Variants in MAP3K19 observed in about 807,000 individuals in gnomAD.
The protein encoded by MAP3K19 is SPS1/STE20-related protein kinase YSK4.
A neutral mutation model predicts 114.4 loss-of-function variants in MAP3K19; 91 were observed. The ratio of observed to expected loss-of-function variants is 0.80; its 90% CI spans 0.67 to 0.95. The LOEUF is 0.95. MAP3K19 is among the 40% of genes least tolerant of loss of function. The pLI is 0.00. For synonymous variants in MAP3K19, 518 were observed against 530.5 expected (o/e 0.98, Z 0.32); for missense variants, 1,471 against 1,573.2 (o/e 0.94, Z 1.10).
intron 1 of MAP3K19, among the ~76,000 whole-genome samples, chr2:135,040,976 C>A (rs1452266730): frequency 1.3e-5 from 2 of 152,048 alleles, no homozygotes; most frequent in African/African-American, 4.8e-5. Flanking sequence ...GTCCCCTCTT[C>A]AGAAGGTTGG....
intron 3 of MAP3K19, among the ~76,000 whole-genome samples, chr2:135,027,776 C>T (rs1574049682): frequency 6.6e-6 from 1 of 152,148 alleles, no homozygotes; most frequent in South Asian, 2.1e-4. Flanking sequence ...GCTTGGCCAA[C>T]GTTTCATTAT....
At chr2:135,000,608 G>T (rs1013017769) in intron 6 of MAP3K19, among the ~76,000 whole-genome samples, 2 of 152,106 alleles carry the variant, frequency 1.3e-5, no homozygotes, top group Admixed American at 1.3e-4. Flanking sequence ...TTTTATTAAG[G>T]ATATGCCAAG....
intron 2 of MAP3K19, among the ~76,000 whole-genome samples, chr2:135,038,061 A>G (rs1186111635): frequency 1.3e-5 from 2 of 152,042 alleles, no homozygotes; most frequent in African/African-American, 4.8e-5. Context: ...CTGAGAGAGG[A>G]AAGGAAGTGG....
intron 9 of MAP3K19, among the ~76,000 whole-genome samples, chr2:134,989,154 A>T (rs2105245468): frequency 6.6e-6 from 1 of 152,248 alleles, no homozygotes; most frequent in Non-Finnish European, 1.5e-5. Flanking sequence ...GCCCTCCTCT[A>T]GTTTCAAACT....
chr2:135,025,372 CTTTTCT>C (rs1198303994), intron 3 of MAP3K19, among the ~76,000 whole-genome samples: 3,489 of 69,552 alleles, frequency 0.05, 269 homozygotes, highest in African/African-American at 0.12. Context: ...ATGGCCTTTT[CTTTTCT>C]TTTTTTTTTT....
intron 12 of MAP3K19, among the ~76,000 whole-genome samples, chr2:134,966,683 T>C (rs1683378482): frequency 6.6e-6 from 1 of 152,170 alleles, no homozygotes; most frequent in South Asian, 2.1e-4. Context: ...GAATAGTAAA[T>C]AGTCAGTCTG....
At chr2:135,012,396 A>C (rs1000712031) in intron 5 of MAP3K19, among the ~76,000 whole-genome samples, 1 of 152,220 alleles carries the variant, frequency 6.6e-6, no homozygotes, top group African/African-American at 2.4e-5. Flanking sequence ...GGTAGGAAGC[A>C]GACTAAACTA....
intron 8 of MAP3K19, among the ~76,000 whole-genome samples, chr2:134,994,587 A>T (rs548825773): frequency 6.6e-6 from 1 of 152,338 alleles, no homozygotes; most frequent in Non-Finnish European, 1.5e-5. Context: ...TATGAACCCC[A>T]TTCAGTGCCA....
chr2:135,032,609 T>A (rs138038033), intron 2 of MAP3K19, among the ~76,000 whole-genome samples: 2,680 of 151,420 alleles, frequency 0.018, 42 homozygotes, highest in African/African-American at 0.053. Flanking sequence ...AATTTAATTT[T>A]ATTTTATTTA....
At chr2:134,966,868 C>T (rs547599761) in intron 12 of MAP3K19, among the ~76,000 whole-genome samples, 2 of 152,136 alleles carry the variant, frequency 1.3e-5, no homozygotes, top group Non-Finnish European at 2.9e-5. Context: ...CATGGCCCAG[C>T]GGAGGGGAAG....
In MAP3K19 at chr2:135,047,394, T is replaced by G. The variant is rs1688763931; in HGVS notation, c.-633A>C. 6.6e-6 allele frequency: 1 copy of G among 152,232 alleles called. No individual in the cohort carries two copies. The highest frequency in any genetic ancestry group is 6.5e-5 in the Admixed American group (1 of 15,288). The allele number at this position is 152,232 out of a possible 1,614,324, so 9.4% of individuals were successfully genotyped here. A position where few individuals can be genotyped will look rare whatever the true frequency, so the allele number is the denominator to read the frequency against. On this transcript the variant is annotated 5_prime_UTR_variant, in exon 1 of 13. Transcript: ENST00000392915. ...ATAATTTTTCCTTTTAAATTTTGTCTTTAATTAAGCTGGTCCTGCATGCAC... is the reference window on the plus strand; with the variant it reads ...ATAATTTTTCCTTTTAAATTTTGTCGTTAATTAAGCTGGTCCTGCATGCAC...
chr2:134,994,627 A>C (rs1685853112), intron 8 of MAP3K19, among the ~76,000 whole-genome samples: 1 of 152,226 alleles, frequency 6.6e-6, no homozygotes, highest in Non-Finnish European at 1.5e-5. Flanking sequence ...CATAACCTAC[A>C]GGCAGGTGTT....
chr2:134,966,072 A>T (rs567489710), intron 12 of MAP3K19, among the ~76,000 whole-genome samples: 106 of 152,270 alleles, frequency 7.0e-4, no homozygotes, highest in African/African-American at 2.3e-3. Flanking sequence ...CATTTTTTTT[A>T]TGGCTGAGTA....
At chr2:135,001,880 AT>A (rs1468255311) in intron 6 of MAP3K19, among the ~76,000 whole-genome samples, 2 of 152,258 alleles carry the variant, frequency 1.3e-5, no homozygotes, top group Non-Finnish European at 2.9e-5. Flanking sequence ...TAACAAGCAC[AT>A]GTAAGAAATA....
chr2:135,008,247 C>T (rs1358669221), intron 5 of MAP3K19, among the ~76,000 whole-genome samples: 4 of 151,972 alleles, frequency 2.6e-5, no homozygotes, highest in Non-Finnish European at 4.4e-5. Context: ...CTCAACCTCT[C>T]GAGTAGCTGA....
At chr2:135,016,047 T>C (rs4640444) in intron 5 of MAP3K19, among the ~76,000 whole-genome samples, 37,868 of 151,820 alleles carry the variant, frequency 0.25, 6,121 homozygotes, top group African/African-American at 0.43. Flanking sequence ...AGCCAGGAGT[T>C]CAAGAACACC....
Position 134,964,860 on chromosome 2 carries a change from C to A in MAP3K19, c.3977G>T (p.Arg1326Ile). The A allele has an allele frequency of 1.9e-6, 3 of 1,613,170 alleles. No homozygotes were observed. The highest frequency in any genetic ancestry group is 1.7e-6 in the Non-Finnish European group (2 of 1,179,378). ...LQLLKHSFLE[R>I]SH ...AGTCTTGATGTATATTCAGTGACTT[C>A]TCTCCAAGAAGGAGTGCTTCAGGAG... The change falls in exon 13 of 13, where the codon AGA (arginine) becomes ATA (isoleucine). Residue 1326 changes from arginine (R) to isoleucine (I), a missense_variant. Physicochemically the swap from Arg to Ile is moderately conservative, Grantham distance 97 (BLOSUM62 -3). Transcript: ENST00000392915.
chr2:134,977,259 G>GCTCA (rs1684305775), intron 12 of MAP3K19, among the ~76,000 whole-genome samples: 1 of 149,206 alleles, frequency 6.7e-6, no homozygotes, highest in Non-Finnish European at 1.5e-5. Context: ...ACGGTTCACT[G>GCTCA]TGGTCTCAAC....
At position 134,998,074 on chromosome 2, in the gene MAP3K19, A is replaced by T. The variant is rs538615087; in HGVS notation, c.574+664T>A. Among the ~76,000 whole-genome samples, 65 of 152,244 alleles carry T rather than the reference A, an allele frequency of 4.3e-4. 1 individual carries two copies. Among genetic ancestry groups the T allele is most frequent in the African/African-American group, 1.5e-3 (64 of 41,540 alleles). On this transcript the variant is annotated intron_variant, in intron 8 of 12. Transcript: ENST00000392915. ...CAAAGACAATATTGCCGCAGGGGGA[A>T]ATGCTGGCATCAGTGCTGCTATCTA...
Sources: gnomAD v4.1 joint callset for allele counts (sites outside exome capture counted in the v4.1 genomes callset) on GRCh38, gnomAD v4.1.1 for gene constraint, MANE v1.5 for transcripts, NCBI Gene and HGNC (gene_info 2026-07-23, HGNC 2026-07-21) for gene names.